The following PSMA2 variants were observed in gnomAD, a reference collection of about 807,000 sequenced individuals.
The protein encoded by PSMA2 is proteasome 20S subunit alpha 2.
PSMA2 carries 2 observed loss-of-function variants against 35.9 expected under a neutral mutation model. That is an observed-to-expected ratio of 0.06 (90% CI 0.02 to 0.18). The LOEUF is 0.18. Among genes scored for constraint, PSMA2 ranks in the 10% least tolerant of loss-of-function variants. The probability of loss-of-function intolerance (pLI) is 1.00; values close to 1 mark genes in which losing one functional copy is unlikely to be tolerated. For synonymous variants in PSMA2, 97 were observed against 98.2 expected (o/e 0.99, Z 0.07); for missense variants, 126 against 278.8 (o/e 0.45, Z 3.90).
intron 6 of PSMA2, chr7:42,920,791 G>A (rs1431177938): frequency 1.3e-5 from 2 of 152,162 alleles, no homozygotes; most frequent in Non-Finnish European, 2.9e-5. Flanking sequence ...CTGTTAAACG[G>A]AGTTACGAAG....
chr7:42,917,943 A>G, intron 6 of PSMA2, 108 bp from the exon 7 acceptor site: 1 of 746,574 alleles, frequency 1.3e-6, no homozygotes, highest in Non-Finnish European at 2.1e-6. Flanking sequence ...ACATCTTAAA[A>G]ATACTAAATT....
At position 42,927,476 on chromosome 7, in the gene PSMA2, G is replaced by GT; in HGVS notation, c.42-18dup. On this transcript the variant is annotated splice_polypyrimidine_tract_variant and intron_variant, in intron 1 of 7. Transcript: ENST00000223321. Reference sequence around the variant, plus strand: ...CCAGACGGGCTTAAAAGAAACACAGGTATTTGTAAGTTCACATATCATCAA... The same window carrying GT: ...CCAGACGGGCTTAAAAGAAACACAGGTTATTTGTAAGTTCACATATCATCAA... The GT allele has an allele frequency of 6.2e-7, 1 of 1,604,024 alleles. No individual in the cohort carries two copies. The highest frequency in any genetic ancestry group is 8.5e-7 in the Non-Finnish European group (1 of 1,170,946).
In PSMA2 at chr7:42,926,516, C is replaced by G. The variant is rs1786219512; in HGVS notation, c.251+20G>C. On this transcript the variant is annotated intron_variant, in intron 3 of 7. Coordinates refer to ENST00000223321, the MANE Select transcript of PSMA2 (RefSeq NM_002787.5). The stretch of plus-strand genomic sequence containing the variant: ...TCAATTCATGAGATGGTGAGAAACA[C>G]TATAAAAAGTATAAAGTACCTGTAA... 6.4e-7 allele frequency: 1 copy of G among 1,555,306 alleles called. No individual in the cohort carries two copies. The highest frequency in any genetic ancestry group is 8.6e-7 in the Non-Finnish European group (1 of 1,158,938).
At position 42,917,843 on chromosome 7, in the gene PSMA2, A is replaced by AT. The variant is rs746220267; in HGVS notation, c.531-9dup. On this transcript the variant is annotated splice_polypyrimidine_tract_variant and intron_variant, in intron 6 of 7. Coordinates refer to ENST00000223321, the MANE Select transcript of PSMA2 (RefSeq NM_002787.5). ...TCCAGATCTTCATTATATCTGAAGA[A>AT]TTTAAAAAAAATTACTTATATCATT... 9.6e-6 allele frequency: 15 copies of AT among 1,559,498 alleles called. No individual in the cohort carries two copies. The highest frequency in any genetic ancestry group is 1.4e-5 in the African/African-American group (1 of 71,174).
intron 6 of PSMA2, chr7:42,918,751 G>T: frequency 6.4e-6 from 1 of 157,230 alleles, no homozygotes; most frequent in South Asian, 1.8e-4. Context: ...ATAGCAATGA[G>T]ACTGATGCTG....
chr7:42,919,648 T>TA lies in PSMA2; in HGVS notation c.531-1814dup, dbSNP rs1786095098. The TA allele has an allele frequency of 8.8e-6, 5 of 570,604 alleles. No homozygotes were observed. The East Asian group carries it at 2.0e-4, about 23-fold the overall frequency. 35.3% of individuals were successfully genotyped at this position (570,604 alleles called of 1,614,324 possible). On this transcript the variant is annotated intron_variant, in intron 6 of 7. Coordinates refer to ENST00000223321, the MANE Select transcript of PSMA2 (RefSeq NM_002787.5). ...TGAGGGAGAGATTTTGGTAATAACT[T>TA]ATGGCTGATCCAGTGCTTTTGACAG...
At chr7:42,920,125 G>T in intron 6 of PSMA2, 1 of 429,638 alleles carries the variant, frequency 2.3e-6, no homozygotes, top group Non-Finnish European at 4.3e-6. Context: ...GCATACAACT[G>T]GACTAGAACG....
chr7:42,922,251 G>T (rs1786138566), intron 5 of PSMA2, among the ~76,000 whole-genome samples: 1 of 152,072 alleles, frequency 6.6e-6, no homozygotes. Flanking sequence ...GTAAAATTAT[G>T]TAAAAAATCC....
chr7:42,930,933 A>C (rs1786297494), intron 1 of PSMA2, among the ~76,000 whole-genome samples: 1 of 152,222 alleles, frequency 6.6e-6, no homozygotes, highest in East Asian at 1.9e-4. Flanking sequence ...AATTAAATTA[A>C]TCTCGTTCAA....
At chr7:42,923,018 T>C (rs749380417) in intron 5 of PSMA2, among the ~76,000 whole-genome samples, 1 of 152,200 alleles carries the variant, frequency 6.6e-6, no homozygotes, top group Non-Finnish European at 1.5e-5. Flanking sequence ...GATCCACATC[T>C]TCAATTGCAG....
intron 6 of PSMA2, 183 bp downstream of exon 6, chr7:42,921,675 C>A: frequency 2.5e-6 from 1 of 402,786 alleles, no homozygotes; most frequent in Non-Finnish European, 4.4e-6. Flanking sequence ...TATTAATTAC[C>A]ACTTAATATA....
chr7:42,931,102 C>CA, intron 1 of PSMA2: 1 of 441,976 alleles, frequency 2.3e-6, no homozygotes, highest in Non-Finnish European at 4.5e-6. Flanking sequence ...TCACCGATGA[C>CA]CTTAGACAAG....
At chr7:42,923,748 T>C (rs1359419670) in intron 4 of PSMA2, among the ~76,000 whole-genome samples, 2 of 152,158 alleles carry the variant, frequency 1.3e-5, no homozygotes, top group Admixed American at 6.5e-5. Flanking sequence ...AAATGACAAC[T>C]TTCAGTTAAT....
chr7:42,922,436 T>C (rs1214352601), intron 5 of PSMA2, among the ~76,000 whole-genome samples: 1 of 152,044 alleles, frequency 6.6e-6, no homozygotes, highest in African/African-American at 2.4e-5. Context: ...AAAAGAAACA[T>C]AATCCAATAT....
intron 6 of PSMA2, 51 bp from the exon 7 acceptor site, chr7:42,917,886 C>G (rs1258989103): frequency 7.9e-7 from 1 of 1,263,090 alleles, no homozygotes; most frequent in Non-Finnish European, 1.1e-6. Context: ...TTCTTTATAA[C>G]TATTTAAATA....
intron 1 of PSMA2, among the ~76,000 whole-genome samples, chr7:42,928,142 C>A (rs892767925): frequency 6.6e-6 from 1 of 152,200 alleles, no homozygotes; most frequent in Non-Finnish European, 1.5e-5. Context: ...GGGCTGACTA[C>A]AGGACTTGAA....
intron 1 of PSMA2, among the ~76,000 whole-genome samples, chr7:42,929,430 T>C (rs1234098863): frequency 6.6e-6 from 1 of 152,200 alleles, no homozygotes; most frequent in Non-Finnish European, 1.5e-5. Context: ...ATAGCTACCA[T>C]TTCTCTGTTC....
At chr7:42,922,508 T>C (rs1297071777) in intron 5 of PSMA2, among the ~76,000 whole-genome samples, 2 of 151,896 alleles carry the variant, frequency 1.3e-5, no homozygotes, top group African/African-American at 4.8e-5. Flanking sequence ...AAAGATAAAA[T>C]CAGGATTCCA....
chr7:42,931,666 C>T (rs1786315139), intron 1 of PSMA2, among the ~76,000 whole-genome samples: 1 of 152,150 alleles, frequency 6.6e-6, no homozygotes, highest in Non-Finnish European at 1.5e-5. Flanking sequence ...AAGACTCCGA[C>T]TTAACTGTAA....
Sources: gnomAD v4.1 joint callset for allele counts (sites outside exome capture counted in the v4.1 genomes callset) on GRCh38, gnomAD v4.1.1 for gene constraint, MANE v1.5 for transcripts, NCBI Gene and HGNC (gene_info 2026-07-23, HGNC 2026-07-21) for gene names.